Variants in MECOM observed in about 807,000 individuals in gnomAD.
The protein encoded by MECOM is MDS1 and EVI1 complex locus.
In MECOM, 13 loss-of-function variants were observed where a neutral mutation model predicts 116.3. The ratio of observed to expected loss-of-function variants is 0.11; its 90% CI spans 0.07 to 0.18. MECOM has a LOEUF of 0.18. MECOM is among the 10% of genes least tolerant of loss of function. The probability of loss-of-function intolerance (pLI) is 1.00; values close to 1 mark genes in which losing one functional copy is unlikely to be tolerated. For missense variants in MECOM, 1,299 were observed against 1,509.0 expected (o/e 0.86, Z 2.31); for synonymous variants, 528 against 535.2 (o/e 0.99, Z 0.19).
chr3:169,204,994 C>T (rs1276699032), intron 2 of MECOM, among the ~76,000 whole-genome samples: 1 of 152,178 alleles, frequency 6.6e-6, no homozygotes, highest in Non-Finnish European at 1.5e-5. Flanking sequence ...ACTTGCTGAT[C>T]TTAAAGCAGT....
chr3:169,245,121 A>G (rs1448225192), intron 2 of MECOM, among the ~76,000 whole-genome samples: 1 of 152,214 alleles, frequency 6.6e-6, no homozygotes, highest in African/African-American at 2.4e-5. Context: ...GTGCCCATTT[A>G]TGGAGAGACA....
intron 2 of MECOM, among the ~76,000 whole-genome samples, chr3:169,365,651 C>T (rs745309680): frequency 6.6e-5 from 10 of 151,890 alleles, no homozygotes; most frequent in Non-Finnish European, 1.2e-4. Flanking sequence ...ATTTAATATC[C>T]ATACTATATG....
chr3:169,194,856 T>C (rs1748207857), intron 2 of MECOM, among the ~76,000 whole-genome samples: 1 of 152,010 alleles, frequency 6.6e-6, no homozygotes, highest in Non-Finnish European at 1.5e-5. Context: ...ATAATTACAC[T>C]TACATTCTGC....
chr3:169,104,065 G>A (rs866348815), intron 10 of MECOM, among the ~76,000 whole-genome samples: 4 of 152,132 alleles, frequency 2.6e-5, no homozygotes, highest in South Asian at 4.1e-4. Context: ...TGAACGCATC[G>A]GGAGGCAGTA....
intron 1 of MECOM, among the ~76,000 whole-genome samples, chr3:169,654,754 T>C (rs149885369): frequency 1.9e-4 from 29 of 152,170 alleles, no homozygotes; most frequent in Admixed American, 2.0e-4. Context: ...TGTAAAAGAC[T>C]ATTTTTCCAG....
intron 1 of MECOM, among the ~76,000 whole-genome samples, chr3:169,471,421 T>C (rs181691259): frequency 7.1e-4 from 108 of 151,290 alleles, no homozygotes; most frequent in African/African-American, 2.4e-3. Flanking sequence ...AACTCCTACC[T>C]AGCAAGCATT....
In MECOM at chr3:169,472,670, A is replaced by AAGGAG. The variant is rs1470227758; in HGVS notation, c.38-91151_38-91147dup. Among the ~76,000 whole-genome samples, 9 of 67,608 alleles carry AAGGAG rather than the reference A, an allele frequency of 1.3e-4. No individual in the cohort carries two copies. The East Asian group carries it at 3.2e-3, about 24-fold the overall frequency. The allele number at this position is 67,608 out of a possible 152,430, so 44.4% of individuals were successfully genotyped here. A position where few individuals can be genotyped will look rare whatever the true frequency, so the allele number is the denominator to read the frequency against. Reference sequence around the variant, plus strand: ...AAGGAAAAGAAAAGAAAGGAAAGGAAAGGAGAGGAGAGGAAAGGAAAGGGA... The same window carrying AAGGAG: ...AAGGAAAAGAAAAGAAAGGAAAGGAAAGGAGAGGAGAGGAGAGGAAAGGAAAGGGA... On this transcript the variant is annotated intron_variant, in intron 1 of 16. Transcript: ENST00000651503.
intron 1 of MECOM, among the ~76,000 whole-genome samples, chr3:169,624,187 A>G (rs1439634661): frequency 1.3e-5 from 2 of 152,130 alleles, no homozygotes; most frequent in Admixed American, 1.3e-4. Flanking sequence ...TTCACTTAAC[A>G]CCTTTGTCAA....
chr3:169,105,338 C>T (rs1725017876), intron 10 of MECOM, among the ~76,000 whole-genome samples: 1 of 152,090 alleles, frequency 6.6e-6, no homozygotes, highest in Non-Finnish European at 1.5e-5. Flanking sequence ...TGGATTAACA[C>T]GAACTCTATT....
intron 2 of MECOM, among the ~76,000 whole-genome samples, chr3:169,267,107 G>A (rs56009975): frequency 2.6e-5 from 4 of 152,168 alleles, no homozygotes; most frequent in East Asian, 1.9e-4. Flanking sequence ...CATGGCTGAC[G>A]ATTTGCAACC....
At chr3:169,169,179 T>C (rs1217337222) in intron 2 of MECOM, among the ~76,000 whole-genome samples, 1 of 152,144 alleles carries the variant, frequency 6.6e-6, no homozygotes, top group East Asian at 1.9e-4. Context: ...AAAGAATTTG[T>C]TTTCTACGTT....
intron 1 of MECOM, among the ~76,000 whole-genome samples, chr3:169,496,353 C>T (rs1300505012): frequency 6.6e-6 from 1 of 152,220 alleles, no homozygotes; most frequent in Non-Finnish European, 1.5e-5. Flanking sequence ...TAGCTAAGAG[C>T]TTTTGTTTTA....
Position 169,189,038 on chromosome 3 carries a change from T to C in MECOM, c.376-45206A>G, listed in dbSNP as rs537382841. On this transcript the variant is annotated intron_variant, in intron 2 of 16. Transcript: ENST00000651503. ...CAAATTGTTTGGTAATAAATCATCA[T>C]CAAAGAAATATGTTCATTTTTACTT... Among the ~76,000 whole-genome samples, 4 of 152,214 alleles carry C rather than the reference T, an allele frequency of 2.6e-5. No individual in the cohort carries two copies. The South Asian group carries it at 8.3e-4, about 32-fold the overall frequency.
intron 2 of MECOM, among the ~76,000 whole-genome samples, chr3:169,300,221 A>G (rs969017159): frequency 6.6e-6 from 1 of 152,206 alleles, no homozygotes; most frequent in Non-Finnish European, 1.5e-5. Flanking sequence ...TCATAATTAC[A>G]GATTTGACTC....
chr3:169,092,945 AAGAC>A lies in MECOM; in HGVS notation c.3164+9_3164+12del, dbSNP rs758649900. ...AGTCGTCACAGAGTTTAAAAAGTAA[AAGAC>A]AGCTTTACCTCTCCTCCACATTCCT... On this transcript the variant is annotated intron_variant, in intron 14 of 16. Coordinates refer to ENST00000651503, the MANE Select transcript of MECOM (RefSeq NM_004991.4). The A allele has an allele frequency of 6.2e-7, 1 of 1,613,474 alleles. No individual in the cohort carries two copies. The highest frequency in any genetic ancestry group is 8.5e-7 in the Non-Finnish European group (1 of 1,179,668).
chr3:169,534,503 G>A (rs1759081113), intron 1 of MECOM, among the ~76,000 whole-genome samples: 1 of 151,886 alleles, frequency 6.6e-6, no homozygotes, highest in South Asian at 2.1e-4. Context: ...TAAAAATTAT[G>A]TGGTCATACT....
chr3:169,500,582 C>CAA (rs199525523), intron 1 of MECOM, among the ~76,000 whole-genome samples: 1 of 151,518 alleles, frequency 6.6e-6, no homozygotes, highest in Non-Finnish European at 1.5e-5. Context: ...ATAGTTTATA[C>CAA]AAAAAAACAC....
At chr3:169,222,431 T>A (rs1752240173) in intron 2 of MECOM, among the ~76,000 whole-genome samples, 1 of 152,220 alleles carries the variant, frequency 6.6e-6, no homozygotes, top group Admixed American at 6.5e-5. Flanking sequence ...GGTCACATGA[T>A]TTTTTAATAT....
Position 169,168,312 on chromosome 3 carries a change from G to A in MECOM, c.376-24480C>T, listed in dbSNP as rs1238523477. Among the ~76,000 whole-genome samples the A allele has an allele frequency of 4.1e-5, 6 of 148,100 alleles. No individual in the cohort carries two copies. In the East Asian group the frequency reaches 1.2e-3, roughly 29 times the overall value. On this transcript the variant is annotated intron_variant, in intron 2 of 16. Transcript: ENST00000651503. ...AGTCTCCCAAAGTTCTGGGATTACA[G>A]GCATGAGTCACCACACTTGGCCTGC... is the stretch of plus-strand genomic sequence containing the variant.
Sources: allele counts gnomAD v4.1 joint callset (sites outside exome capture counted in the v4.1 genomes callset), GRCh38; gene constraint gnomAD v4.1.1; transcripts MANE v1.5; gene names NCBI Gene and HGNC (gene_info 2026-07-23, HGNC 2026-07-21).